The following RSPH14 variants were observed in gnomAD, a reference collection of about 807,000 sequenced individuals.
The protein encoded by RSPH14 is radial spoke head 14 homolog.
RSPH14 carries 20 observed loss-of-function variants against 26.7 expected under a neutral mutation model. That is an observed-to-expected ratio of 0.75 (90% CI 0.53 to 1.09). RSPH14 has a LOEUF of 1.09. Ranked by LOEUF, RSPH14 falls within the 50% of genes least tolerant of loss-of-function variation. The pLI is 0.00. For missense variants in RSPH14, 449 were observed against 457.2 expected (o/e 0.98, Z 0.16); for synonymous variants, 177 against 189.3 (o/e 0.93, Z 0.53).
chr22:23,145,656 C>A (rs768026058), upstream of RSPH14: 2 of 1,299,064 alleles, frequency 1.5e-6, no homozygotes, highest in Non-Finnish European at 2.1e-6. Context: ...GCCCACTTCC[C>A]GCCCCTATAA....
the RSPH14 span, among the ~76,000 whole-genome samples, chr22:23,173,952 C>A: frequency 6.6e-6 from 1 of 152,036 alleles, no homozygotes; most frequent in Non-Finnish European, 1.5e-5. Flanking sequence ...TCAAATGATC[C>A]ACCCTCCTCG....
chr22:23,062,205 T>C lies in RSPH14; in HGVS notation c.654-260A>G, dbSNP rs117477179. 9.2e-5 allele frequency among the ~76,000 whole-genome samples: 14 copies of C among 152,104 alleles called. No individual in the cohort carries two copies. The South Asian group carries it at 1.0e-3, about 11-fold the overall frequency. ...TCTGAGCCAGCACACAGAAAAGAAA[T>C]AGGGCATGTTCTCCGTGGCCCCAAA... is the stretch of plus-strand genomic sequence containing the variant. On this transcript the variant is annotated intron_variant, in intron 5 of 6. Coordinates refer to ENST00000216036, the MANE Select transcript of RSPH14 (RefSeq NM_014433.3).
upstream of RSPH14, among the ~76,000 whole-genome samples, chr22:23,146,863 A>G (rs1224550245): frequency 1.3e-5 from 2 of 152,168 alleles, no homozygotes; most frequent in Non-Finnish European, 2.9e-5. Context: ...CCGCAAGTTA[A>G]TGGTGACACT....
the RSPH14 span, chr22:23,152,490 G>A: frequency 6.2e-7 from 1 of 1,614,176 alleles, no homozygotes; most frequent in Non-Finnish European, 8.5e-7. Flanking sequence ...GTGGTGGTTG[G>A]CGATCTCTAC....
At chr22:23,085,700 C>T (rs1052091337) in intron 4 of RSPH14, among the ~76,000 whole-genome samples, 7 of 152,230 alleles carry the variant, frequency 4.6e-5, no homozygotes, top group African/African-American at 1.7e-4. Context: ...GTTGTCCCAG[C>T]TTGTCCCAGC....
chr22:23,177,679 C>T, the RSPH14 span, among the ~76,000 whole-genome samples: 19 of 152,156 alleles, frequency 1.2e-4, no homozygotes, highest in African/African-American at 4.1e-4. Context: ...AGAACAGTGT[C>T]CTTGGGGCCA....
chr22:23,168,768 G>A, the RSPH14 span, among the ~76,000 whole-genome samples: 1 of 152,310 alleles, frequency 6.6e-6, no homozygotes, highest in South Asian at 2.1e-4. Flanking sequence ...CTGGGCCCCA[G>A]GAAGGTGAGG....
intron 4 of RSPH14, chr22:23,096,306 G>T: frequency 6.2e-7 from 1 of 1,614,060 alleles, no homozygotes; most frequent in Non-Finnish European, 8.5e-7. Context: ...GACGTGGGGG[G>T]GCAGAGGTCA....
At chr22:23,161,608 A>G in the RSPH14 span, 1 of 1,501,268 alleles carries the variant, frequency 6.7e-7, no homozygotes, top group Non-Finnish European at 9.1e-7. Context: ...ACACACACGG[A>G]CAGGAATTTC....
the RSPH14 span, among the ~76,000 whole-genome samples, chr22:23,150,959 G>A: frequency 1.3e-5 from 2 of 152,214 alleles, no homozygotes; most frequent in Non-Finnish European, 1.5e-5. Context: ...TCTTCCTGCC[G>A]CGGCAGCTCC....
intron 3 of RSPH14, among the ~76,000 whole-genome samples, chr22:23,138,146 G>A (rs2070515239): frequency 6.6e-6 from 1 of 152,208 alleles, no homozygotes; most frequent in African/African-American, 2.4e-5. Flanking sequence ...CCCTCACAGG[G>A]ACAGGAGCCA....
chr22:23,117,157 G>A (rs938743676), intron 4 of RSPH14, among the ~76,000 whole-genome samples: 1 of 152,106 alleles, frequency 6.6e-6, no homozygotes, highest in Non-Finnish European at 1.5e-5. Flanking sequence ...CAGGAACGTT[G>A]GTAACTGGAA....
At chr22:23,141,126 C>G (rs899436944) in intron 1 of RSPH14, among the ~76,000 whole-genome samples, 1 of 152,074 alleles carries the variant, frequency 6.6e-6, no homozygotes, top group Non-Finnish European at 1.5e-5. Context: ...GTCAAGAGAT[C>G]GAGACCATCC....
chr22:23,130,125 A>T (rs2070306052), intron 4 of RSPH14, among the ~76,000 whole-genome samples: 1 of 107,780 alleles, frequency 9.3e-6, no homozygotes, highest in Non-Finnish European at 2.1e-5. Context: ...GAAAGAAAGA[A>T]AGAAAGAAAG....
At chr22:23,063,669 A>T (rs1281683444) in intron 5 of RSPH14, among the ~76,000 whole-genome samples, 1 of 152,146 alleles carries the variant, frequency 6.6e-6, no homozygotes, top group African/African-American at 2.4e-5. Context: ...GTGCACAATC[A>T]TCTGGCTTTG....
At chr22:23,072,093 G>A (rs2068395068) in intron 4 of RSPH14, among the ~76,000 whole-genome samples, 1 of 152,068 alleles carries the variant, frequency 6.6e-6, no homozygotes, top group Non-Finnish European at 1.5e-5. Flanking sequence ...TAAAGACTGG[G>A]GAAGGCTCCT....
the RSPH14 span, among the ~76,000 whole-genome samples, chr22:23,174,999 A>T: frequency 2.1e-5 from 3 of 145,096 alleles, no homozygotes; most frequent in Non-Finnish European, 4.6e-5. Flanking sequence ...GTAAAAAAAA[A>T]ATTTTTTTTT....
intron 4 of RSPH14, among the ~76,000 whole-genome samples, chr22:23,103,586 C>T (rs1179295088): frequency 2.0e-5 from 3 of 152,242 alleles, no homozygotes; most frequent in Admixed American, 6.5e-5. Flanking sequence ...GCCTCCCTCC[C>T]GCTCTTCCTC....
At chr22:23,108,692 A>G (rs2069554408) in intron 4 of RSPH14, among the ~76,000 whole-genome samples, 2 of 152,242 alleles carry the variant, frequency 1.3e-5, no homozygotes, top group African/African-American at 4.8e-5. Flanking sequence ...GCAATGTCCC[A>G]GGGCCCCAGC....
Sources: gnomAD v4.1 joint callset for allele counts (sites outside exome capture counted in the v4.1 genomes callset) on GRCh38, gnomAD v4.1.1 for gene constraint, MANE v1.5 for transcripts, NCBI Gene and HGNC (gene_info 2026-07-23, HGNC 2026-07-21) for gene names.